The following PRKN variants were observed in gnomAD, a reference collection of about 807,000 sequenced individuals.
The protein encoded by PRKN is E3 ubiquitin-protein ligase parkin.
Under a neutral mutation model 59.5 loss-of-function variants are expected in PRKN, and 56 were observed. The observed-to-expected ratio is 0.94, with a 90% confidence interval of 0.76 to 1.18. PRKN has a LOEUF of 1.18. PRKN is among the 50% of genes most tolerant of loss of function. The probability of loss-of-function intolerance (pLI) is 0.00; values close to 1 mark genes in which losing one functional copy is unlikely to be tolerated. For missense variants in PRKN, 657 were observed against 596.4 expected (o/e 1.10, Z -1.06); for synonymous variants, 250 against 222.1 (o/e 1.13, Z -1.12).
intron 1 of PRKN, among the ~76,000 whole-genome samples, chr6:162,481,386 T>C (rs908300093): frequency 1.1e-4 from 16 of 152,200 alleles, no homozygotes; most frequent in African/African-American, 3.6e-4. Context: ...TGGTTGCTGA[T>C]ACATTTTAAG....
chr6:162,601,365 A>C lies in PRKN; in HGVS notation c.7+126297T>G, dbSNP rs190835358. Among the ~76,000 whole-genome samples the C allele has an allele frequency of 6.6e-5, 10 of 152,308 alleles. No individual in the cohort carries two copies. In the East Asian group the frequency reaches 1.7e-3, roughly 26 times the overall value. ...CACGGTAAATGGGTTTTGTTTTAGA[A>C]ATTCATATGTATAAAAGTATAAAGT... On this transcript the variant is annotated intron_variant, in intron 1 of 11. Coordinates refer to ENST00000366898, the MANE Select transcript of PRKN (RefSeq NM_004562.3).
chr6:162,418,877 C>T (rs971587589), intron 2 of PRKN, among the ~76,000 whole-genome samples: 2 of 151,772 alleles, frequency 1.3e-5, no homozygotes, highest in Non-Finnish European at 2.9e-5. Context: ...GAGGGAGAAG[C>T]CAGCTAGAAT....
intron 6 of PRKN, among the ~76,000 whole-genome samples, chr6:161,844,760 G>C (rs927060236): frequency 6.6e-6 from 1 of 152,220 alleles, no homozygotes; most frequent in African/African-American, 2.4e-5. Context: ...AAGGCAGCAG[G>C]ACAGACCCTC....
intron 9 of PRKN, among the ~76,000 whole-genome samples, chr6:161,449,463 G>T (rs1331447665): frequency 6.6e-6 from 1 of 152,122 alleles, no homozygotes; most frequent in Non-Finnish European, 1.5e-5. Context: ...TTCAAAGAAG[G>T]TAACTCTGAA....
intron 9 of PRKN, among the ~76,000 whole-genome samples, chr6:161,516,879 T>C (rs375380387): frequency 2.0e-5 from 3 of 148,214 alleles, no homozygotes; most frequent in East Asian, 4.1e-4. Flanking sequence ...GGAACATGAC[T>C]CTTAAATAAG....
intron 4 of PRKN, among the ~76,000 whole-genome samples, chr6:162,060,791 C>T (rs925186105): frequency 2.6e-5 from 4 of 152,020 alleles, no homozygotes; most frequent in African/African-American, 9.7e-5. Flanking sequence ...TAATAGAAAA[C>T]CATGGCATTT....
Position 161,582,662 on chromosome 6 carries a change from C to T in PRKN, c.872-13246G>A, listed in dbSNP as rs994472999. Among the ~76,000 whole-genome samples the T allele has an allele frequency of 3.3e-5, 5 of 152,018 alleles. No individual in the cohort carries two copies. The highest frequency in any genetic ancestry group is 5.9e-5 in the Non-Finnish European group (4 of 68,002). ...CAGGATGGTCTCGATCTGCTGACCT[C>T]GTGATCTGCCCGCCTCGGCCTCCCA... On this transcript the variant is annotated intron_variant, in intron 7 of 11. Transcript: ENST00000366898. This position sits in a 1 kb window ranked among gnomAD's most constrained non-coding sequence, Gnocchi z 4.4.
intron 4 of PRKN, among the ~76,000 whole-genome samples, chr6:162,154,340 A>C (rs1400403669): frequency 6.6e-6 from 1 of 152,192 alleles, no homozygotes; most frequent in Admixed American, 6.5e-5. Context: ...AAAAATAATA[A>C]GAAAATGCCT....
In PRKN at chr6:162,506,251, CAAAAAAAAA is replaced by C. The variant is rs10528135; in HGVS notation, c.8-62787_8-62779del. 2.1e-4 allele frequency among the ~76,000 whole-genome samples: 20 copies of C among 95,344 alleles called. No homozygotes were observed. In the South Asian group the frequency reaches 7.4e-3, roughly 35 times the overall value. 62.5% of individuals were successfully genotyped at this position (95,344 alleles called of 152,430 possible). ...AACCCTTGGGAAAATAAAGAGGAAG[CAAAAAAAAA>C]AAAAAAAAAAAAAGGAATGCCTTTA... On this transcript the variant is annotated intron_variant, in intron 1 of 11. Coordinates refer to ENST00000366898, the MANE Select transcript of PRKN (RefSeq NM_004562.3).
At chr6:162,522,238 C>T (rs1431921599) in intron 1 of PRKN, among the ~76,000 whole-genome samples, 1 of 152,244 alleles carries the variant, frequency 6.6e-6, no homozygotes, top group Admixed American at 6.5e-5. Context: ...ATCCTCCAAA[C>T]TCAGCCTCCC....
At chr6:161,507,710 T>C (rs1477143135) in intron 9 of PRKN, among the ~76,000 whole-genome samples, 2 of 152,158 alleles carry the variant, frequency 1.3e-5, no homozygotes, top group Non-Finnish European at 2.9e-5. Flanking sequence ...CATGCACAGT[T>C]GATATTTTCT....
intron 2 of PRKN, among the ~76,000 whole-genome samples, chr6:162,380,711 A>G (rs1786433286): frequency 6.6e-6 from 1 of 151,620 alleles, no homozygotes; most frequent in Non-Finnish European, 1.5e-5. Flanking sequence ...GTGGGCTTCA[A>G]TGCTCTCTAC....
At chr6:161,491,725 G>C (rs1480830122) in intron 9 of PRKN, among the ~76,000 whole-genome samples, 1 of 151,950 alleles carries the variant, frequency 6.6e-6, no homozygotes, top group Non-Finnish European at 1.5e-5. Flanking sequence ...CTGCCTCCCA[G>C]GTTCAAGCAA....
intron 6 of PRKN, among the ~76,000 whole-genome samples, chr6:161,935,679 T>C (rs754080585): frequency 5.3e-5 from 8 of 151,620 alleles, no homozygotes; most frequent in African/African-American, 1.5e-4. Context: ...GGTGAAAAAA[T>C]AGTGAAATCA....
chr6:162,482,822 C>A (rs1183021160), intron 1 of PRKN, among the ~76,000 whole-genome samples: 1 of 152,144 alleles, frequency 6.6e-6, no homozygotes, highest in Non-Finnish European at 1.5e-5. Flanking sequence ...CCTTAGAGAT[C>A]ATCTTGTCCA....
At chr6:162,175,819 T>C (rs563088153) in intron 4 of PRKN, among the ~76,000 whole-genome samples, 1 of 152,306 alleles carries the variant, frequency 6.6e-6, no homozygotes, top group South Asian at 2.1e-4. Flanking sequence ...AATGCAAATG[T>C]CCTGCAGTCT....
intron 5 of PRKN, among the ~76,000 whole-genome samples, chr6:161,986,637 G>T (rs903051146): frequency 3.3e-5 from 5 of 151,954 alleles, no homozygotes; most frequent in African/African-American, 1.2e-4. Context: ...GTACTGGAAG[G>T]GTTCATCACT....
chr6:162,372,545 C>T (rs1358233279), intron 2 of PRKN, among the ~76,000 whole-genome samples: 1 of 152,028 alleles, frequency 6.6e-6, no homozygotes, highest in Non-Finnish European at 1.5e-5. Flanking sequence ...ACAAGAGACA[C>T]TGGGGACTAC....
At chr6:162,217,474 G>A (rs1057023230) in intron 3 of PRKN, among the ~76,000 whole-genome samples, 5 of 152,070 alleles carry the variant, frequency 3.3e-5, no homozygotes, top group Admixed American at 6.6e-5. Flanking sequence ...CCCACCTCCC[G>A]GATTCAAGCT....
Sources: allele counts gnomAD v4.1 joint callset (sites outside exome capture counted in the v4.1 genomes callset), GRCh38; gene constraint gnomAD v4.1.1; non-coding constraint Gnocchi (gnomAD v3.1); transcripts MANE v1.5; gene names NCBI Gene and HGNC (gene_info 2026-07-23, HGNC 2026-07-21).